The following KCNIP1 variants were observed in gnomAD, a reference collection of about 807,000 sequenced individuals.
KCNIP1 encodes the protein potassium voltage-gated channel interacting protein 1.
In KCNIP1, 18 loss-of-function variants were observed where a neutral mutation model predicts 33.0. That is an observed-to-expected ratio of 0.55 (90% CI 0.38 to 0.81). The LOEUF (loss-of-function observed/expected upper bound fraction) is 0.81, where lower values mean the gene tolerates loss of function less well. Ranked by LOEUF, KCNIP1 falls within the 30% of genes least tolerant of loss-of-function variation. KCNIP1 has a pLI of 0.00. For missense variants in KCNIP1, 238 were observed against 271.6 expected (o/e 0.88, Z 0.87); for synonymous variants, 93 against 98.3 (o/e 0.95, Z 0.32).
chr5:170,462,749 G>T (rs901091324), intron 1 of KCNIP1, among the ~76,000 whole-genome samples: 1 of 151,948 alleles, frequency 6.6e-6, no homozygotes, highest in East Asian at 1.9e-4. Context: ...ATAAAGCAAC[G>T]AGTGGATATA....
intron 1 of KCNIP1, among the ~76,000 whole-genome samples, chr5:170,409,477 T>C (rs1414142712): frequency 6.6e-6 from 1 of 152,192 alleles, no homozygotes; most frequent in Non-Finnish European, 1.5e-5. Context: ...CTCTTGTAAC[T>C]TGGGAACAAA....
upstream of KCNIP1, among the ~76,000 whole-genome samples, chr5:170,499,736 G>C (rs1757376296): frequency 6.6e-6 from 1 of 152,156 alleles, no homozygotes; most frequent in Non-Finnish European, 1.5e-5. Flanking sequence ...GATACAAAGA[G>C]GAAGAAAGGA....
At chr5:170,628,353 C>G (rs1196700758) in intron 1 of KCNIP1, among the ~76,000 whole-genome samples, 1 of 152,168 alleles carries the variant, frequency 6.6e-6, no homozygotes, top group Admixed American at 6.5e-5. Flanking sequence ...CACAACAGCC[C>G]ACACTCACAG....
At chr5:170,715,086 T>C (rs769432648) in intron 1 of KCNIP1, among the ~76,000 whole-genome samples, 4 of 152,220 alleles carry the variant, frequency 2.6e-5, no homozygotes, top group Non-Finnish European at 5.9e-5. Context: ...TACACCTTAG[T>C]TTTATTGTAC....
intron 1 of KCNIP1, among the ~76,000 whole-genome samples, chr5:170,401,517 A>G (rs1507352): frequency 0.15 from 22,251 of 152,130 alleles, 1,728 homozygotes; most frequent in Admixed American, 0.19. Flanking sequence ...TAATCCCAGC[A>G]GTTTGGGAAG....
In KCNIP1 at chr5:170,425,564, C is replaced by CTAAAGGATA. The variant is rs1293368688; in HGVS notation, c.88+71601_88+71609dup. Among the ~76,000 whole-genome samples, 5 of 152,168 alleles carry CTAAAGGATA rather than the reference C, an allele frequency of 3.3e-5. No individual in the cohort carries two copies. The East Asian group carries it at 9.6e-4, about 29-fold the overall frequency. On this transcript the variant is annotated intron_variant, in intron 1 of 7. Transcript: ENST00000377360. ...TGCCCCCAACTCTGCAAAGCTGAGTCTAAAGGATACACAGAACACAAGACA... is the reference window on the plus strand; with the variant it reads ...TGCCCCCAACTCTGCAAAGCTGAGTCTAAAGGATATAAAGGATACACAGAACACAAGACA...
intron 1 of KCNIP1, among the ~76,000 whole-genome samples, chr5:170,484,644 A>C (rs1757045343): frequency 1.3e-5 from 2 of 149,594 alleles, no homozygotes; most frequent in Admixed American, 6.7e-5. Flanking sequence ...TTCTCCTCTC[A>C]ACATGTCCTT....
At chr5:170,624,032 G>A (rs10866649) in intron 1 of KCNIP1, among the ~76,000 whole-genome samples, 59,687 of 152,130 alleles carry the variant, frequency 0.39, 12,109 homozygotes, top group East Asian at 0.61. Flanking sequence ...GCCCTGGCCT[G>A]ATGCCCTGAC....
chr5:170,595,049 T>C (rs74921698), intron 1 of KCNIP1, among the ~76,000 whole-genome samples: 1,640 of 152,280 alleles, frequency 0.011, 27 homozygotes, highest in African/African-American at 0.037. Flanking sequence ...CACCATTTCC[T>C]CTGTGGCAGG....
chr5:170,731,600 C>T lies in KCNIP1; in HGVS notation c.436-1200C>T, dbSNP rs191642994. Among the ~76,000 whole-genome samples, 158 of 150,550 alleles carry T rather than the reference C, an allele frequency of 1.0e-3. 1 individual carries two copies. The highest frequency in any genetic ancestry group is 1.7e-3 in the Non-Finnish European group (112 of 67,806). ...GTCCCAGCTACTTGAGAGGCTGAGG[C>T]GGGAGGATCACTTGAACCCGGGAGG... On this transcript the variant is annotated intron_variant, in intron 5 of 7. Transcript: ENST00000328939.
chr5:170,438,068 C>G (rs1173763322), intron 1 of KCNIP1, among the ~76,000 whole-genome samples: 1 of 151,978 alleles, frequency 6.6e-6, no homozygotes, highest in Non-Finnish European at 1.5e-5. Context: ...AGACTCAAGG[C>G]TTGGAGGACT....
intron 1 of KCNIP1, among the ~76,000 whole-genome samples, chr5:170,561,325 G>A (rs1403544150): frequency 6.6e-6 from 1 of 152,204 alleles, no homozygotes; most frequent in Non-Finnish European, 1.5e-5. Context: ...AAAGACAGTG[G>A]CCACACAGCA....
chr5:170,411,682 C>T (rs775838228), intron 1 of KCNIP1, among the ~76,000 whole-genome samples: 6 of 152,134 alleles, frequency 3.9e-5, no homozygotes, highest in Non-Finnish European at 7.3e-5. Context: ...CTCCAAGGTG[C>T]CAGACAATCT....
Position 170,577,475 on chromosome 5 carries a change from C to T in KCNIP1, c.61+72842C>T, listed in dbSNP as rs372800966. ...GAGAAATCCATTTATGCGTCTGTTGCGTGTGAATGTCAGAGCTCATATGAT... is the reference window on the plus strand; with the variant it reads ...GAGAAATCCATTTATGCGTCTGTTGTGTGTGAATGTCAGAGCTCATATGAT... On this transcript the variant is annotated intron_variant, in intron 1 of 7. Coordinates refer to ENST00000328939, the MANE Select transcript of KCNIP1 (RefSeq NM_014592.4). Among the ~76,000 whole-genome samples, 54 of 152,292 alleles carry T rather than the reference C, an allele frequency of 3.5e-4. No individual in the cohort carries two copies. The Middle Eastern group carries it at 0.014, about 38-fold the overall frequency.
chr5:170,555,962 T>G (rs567444659), intron 1 of KCNIP1, among the ~76,000 whole-genome samples: 19 of 152,266 alleles, frequency 1.2e-4, no homozygotes, highest in Admixed American at 1.2e-3. Flanking sequence ...CCAGGTACCC[T>G]CTGAACCAGC....
intron 5 of KCNIP1, among the ~76,000 whole-genome samples, chr5:170,731,995 A>G (rs1764221819): frequency 6.6e-6 from 1 of 152,026 alleles, no homozygotes; most frequent in Non-Finnish European, 1.5e-5. Context: ...TGCTCTGGTT[A>G]TGCAAGTTGT....
intron 1 of KCNIP1, among the ~76,000 whole-genome samples, chr5:170,636,943 A>G (rs1581428522): frequency 6.6e-6 from 1 of 152,118 alleles, no homozygotes; most frequent in East Asian, 1.9e-4. Context: ...AGGCCTGCAA[A>G]CCAGGCTGTC....
exon 1 of KCNIP1, chr5:170,353,671 G>C (rs549970969): frequency 1.7e-6 from 1 of 601,766 alleles, no homozygotes; most frequent in Non-Finnish European, 3.0e-6. Context: ...TGGAGAGAGG[G>C]AGGGAGAGTT....
chr5:170,458,368 A>G (rs1756435858), intron 1 of KCNIP1, among the ~76,000 whole-genome samples: 1 of 152,214 alleles, frequency 6.6e-6, no homozygotes, highest in Non-Finnish European at 1.5e-5. Context: ...ATTCATTGCA[A>G]AAAGATCATT....
Sources: gnomAD v4.1 joint callset for allele counts (sites outside exome capture counted in the v4.1 genomes callset) on GRCh38, gnomAD v4.1.1 for gene constraint, MANE v1.5 for transcripts, NCBI Gene and HGNC (gene_info 2026-07-23, HGNC 2026-07-21) for gene names.